CELSR1: variants seen among roughly 807,000 people sequenced by gnomAD.
CELSR1 encodes the protein cadherin EGF LAG seven-pass G-type receptor 1.
In CELSR1, 110 loss-of-function variants were observed where a neutral mutation model predicts 249.1. That is an observed-to-expected ratio of 0.44 (90% CI 0.38 to 0.52). CELSR1 has a LOEUF of 0.52. Among genes scored for constraint, CELSR1 ranks in the 20% least tolerant of loss-of-function variants. The pLI is 0.00. For synonymous variants in CELSR1, 2,113 were observed against 1,900.0 expected (o/e 1.11, Z -2.92); for missense variants, 4,109 against 4,296.4 (o/e 0.96, Z 1.22).
chr22:46,364,337 G>A (rs2078742203), intron 33 of CELSR1, 86 bp from the exon 34 acceptor site: 1 of 1,553,004 alleles, frequency 6.4e-7, no homozygotes, highest in Non-Finnish European at 8.7e-7. Flanking sequence ...GCCAGCCTCA[G>A]CCCCTGTCCT....
chr22:46,384,524 G>A lies in CELSR1; in HGVS notation c.6883+19C>T. The A allele has an allele frequency of 6.3e-7, 1 of 1,579,264 alleles. No homozygotes were observed. Among genetic ancestry groups the A allele is most frequent in the Non-Finnish European group, 8.6e-7 (1 of 1,162,100 alleles). Reference sequence around the variant, plus strand: ...GCTGGGGACTCCGAGGGCAGCAGCAGGTTTCTAAGCGGTTTTACCTTTTTC... The same window carrying A: ...GCTGGGGACTCCGAGGGCAGCAGCAAGTTTCTAAGCGGTTTTACCTTTTTC... On this transcript the variant is annotated intron_variant, in intron 20 of 34. Coordinates refer to ENST00000674500, the MANE Select transcript of CELSR1 (RefSeq NM_001378328.1).
chr22:46,398,413 T>C lies in CELSR1; in HGVS notation c.5526+111A>G. On this transcript the variant is annotated intron_variant, in intron 11 of 34. Transcript: ENST00000674500. This position sits in a 1 kb window ranked among gnomAD's most constrained non-coding sequence, Gnocchi z 7.2. The stretch of plus-strand genomic sequence containing the variant: ...TGGGGATGCCTGTCAGACAAATTCT[T>C]CACTCGTTGAAAGCTAACAGGTTGA... 1.5e-6 allele frequency: 1 copy of C among 682,314 alleles called. No homozygotes were observed. The highest frequency in any genetic ancestry group is 2.5e-6 in the Non-Finnish European group (1 of 407,366). The allele number at this position is 682,314 out of a possible 1,614,324, so 42.3% of individuals were successfully genotyped here.
chr22:46,473,808 C>T lies in CELSR1; in HGVS notation c.3545-9463G>A, dbSNP rs1275861264. Among the ~76,000 whole-genome samples the T allele has an allele frequency of 1.3e-5, 2 of 152,160 alleles. No homozygotes were observed. The highest frequency in any genetic ancestry group is 2.9e-5 in the Non-Finnish European group (2 of 68,026). ...GAAGTGGCTGTGTGCGTCTCTCTCTCTTCTGGGTTTGTTTTGTTTTGTTTT... is the reference window on the plus strand; with the variant it reads ...GAAGTGGCTGTGTGCGTCTCTCTCTTTTCTGGGTTTGTTTTGTTTTGTTTT... On this transcript the variant is annotated intron_variant, in intron 1 of 34. Transcript: ENST00000674500. The surrounding 1 kb of genome is among the most constrained non-coding windows in gnomAD (Gnocchi z 6.6).
chr22:46,451,245 G>A (rs1326646009), intron 2 of CELSR1, among the ~76,000 whole-genome samples: 1 of 152,206 alleles, frequency 6.6e-6, no homozygotes, highest in Non-Finnish European at 1.5e-5. Context: ...CTCAGCAGGA[G>A]GCCCAGACCC....
At chr22:46,370,593 A>C (rs2078841320) in intron 25 of CELSR1, among the ~76,000 whole-genome samples, 1 of 152,236 alleles carries the variant, frequency 6.6e-6, no homozygotes, top group Admixed American at 6.5e-5. Flanking sequence ...AGGAGCAACC[A>C]GCAGGTGAGA....
Position 46,364,657 on chromosome 22 carries a change from G to A in CELSR1, c.8634C>T (p.Gly2878=). 6.2e-7 allele frequency: 1 copy of A among 1,612,696 alleles called. No homozygotes were observed. Among genetic ancestry groups the A allele is most frequent in the Non-Finnish European group, 8.5e-7 (1 of 1,179,920 alleles). Residue 2878 remains glycine (G), a synonymous_variant, in exon 33 of 35, where the codon GGC becomes GGT. Coordinates refer to ENST00000674500, the MANE Select transcript of CELSR1 (RefSeq NM_001378328.1). ...LAESDSEDPS[G]KPRLKVETKV... ...TGGTCTCCACCTTCAGGCGGGGCTT[G>A]CCGCTGGGGTCCTCACTGTCACTCT... is the stretch of plus-strand genomic sequence containing the variant.
At chr22:46,372,350 C>T (rs1002667613) in intron 25 of CELSR1, among the ~76,000 whole-genome samples, 16 of 144,832 alleles carry the variant, frequency 1.1e-4, no homozygotes, top group East Asian at 2.1e-4. Context: ...TCCATCCACT[C>T]GCTCCCCACC....
In CELSR1 at chr22:46,535,594, T is replaced by C; in HGVS notation, c.1577A>G (p.Asp526Gly). The C allele has an allele frequency of 6.2e-7, 1 of 1,613,424 alleles. No homozygotes were observed. The highest frequency in any genetic ancestry group is 8.5e-7 in the Non-Finnish European group (1 of 1,180,034). Residue 526 changes from aspartate to glycine, a missense_variant, in exon 1 of 35, where the codon GAT becomes GGT. By Grantham distance (94) the Asp-to-Gly change is moderately conservative (BLOSUM62 -1). Coordinates refer to ENST00000674500, the MANE Select transcript of CELSR1 (RefSeq NM_001378328.1). ...LDVINPLDFE[D>G]VQKYSLSIKA... is the part of the protein sequence containing the mutation. ...AATGCTCAGCGAGTATTTCTGGACA[T>C]CCTCGAAATCCAAGGGGTTGATCAC...
At chr22:46,431,612 A>G (rs1437456218) in intron 5 of CELSR1, among the ~76,000 whole-genome samples, 1 of 152,206 alleles carries the variant, frequency 6.6e-6, no homozygotes, top group East Asian at 1.9e-4. Flanking sequence ...GTCCAGCCCC[A>G]GCTGGCTGGA....
chr22:46,510,217 AT>A (rs143791075), intron 1 of CELSR1, among the ~76,000 whole-genome samples: 1 of 152,066 alleles, frequency 6.6e-6, no homozygotes, highest in Non-Finnish European at 1.5e-5. Context: ...TAAAAAAATG[AT>A]TTTTTTAAAA....
rs2080163948 is a variant in CELSR1, at chr22:46,472,301, G to C, written c.3545-7956C>G. On this transcript the variant is annotated intron_variant, in intron 1 of 34. Coordinates refer to ENST00000674500, the MANE Select transcript of CELSR1 (RefSeq NM_001378328.1). The surrounding 1 kb of genome is among the most constrained non-coding windows in gnomAD (Gnocchi z 7.0). ...CCCGACTTTCGTGAAAGACTCTGCA[G>C]TAAGATAAAGGTTATCTGCAATTGT... Among the ~76,000 whole-genome samples the C allele has an allele frequency of 6.6e-6, 1 of 152,234 alleles. No individual in the cohort carries two copies. Among genetic ancestry groups the C allele is most frequent in the Non-Finnish European group, 1.5e-5 (1 of 68,050 alleles).
rs959125829 is a variant in CELSR1, at chr22:46,407,539, G to A, written c.5226+1457C>T. 1.3e-5 allele frequency among the ~76,000 whole-genome samples: 2 copies of A among 152,156 alleles called. No homozygotes were observed. Among genetic ancestry groups the A allele is most frequent in the Admixed American group, 6.5e-5 (1 of 15,268 alleles). ...CCCAACTACAATGGAGGCTGAGGCA[G>A]GAGAATCGCTTGAACCTGGGGGGCA... On this transcript the variant is annotated intron_variant, in intron 9 of 34. Transcript: ENST00000674500. The surrounding 1 kb of genome is among the most constrained non-coding windows in gnomAD (Gnocchi z 4.8).
rs1396751074 is a variant in CELSR1, at chr22:46,434,189, T to C, written c.4523-708A>G. 6.6e-6 allele frequency among the ~76,000 whole-genome samples: 1 copy of C among 152,254 alleles called. No homozygotes were observed. Among genetic ancestry groups the C allele is most frequent in the East Asian group, 1.9e-4 (1 of 5,204 alleles). On this transcript the variant is annotated intron_variant, in intron 4 of 34. Transcript: ENST00000674500. This position sits in a 1 kb window ranked among gnomAD's most constrained non-coding sequence, Gnocchi z 4.9. Reference sequence around the variant, plus strand: ...GGCTTTTAACAACTCTTAAACCACGTAACACGTCCCATCGTGAGGTCGCGG... The same window carrying C: ...GGCTTTTAACAACTCTTAAACCACGCAACACGTCCCATCGTGAGGTCGCGG...
chr22:46,481,623 A>C, intron 1 of CELSR1: 1 of 694,900 alleles, frequency 1.4e-6, no homozygotes, highest in East Asian at 2.5e-5. Flanking sequence ...GACTGTCCTC[A>C]CAACAGCTGG....
rs560242007 is a variant in CELSR1, at chr22:46,510,425, A to G, written c.3544+23202T>C. Among the ~76,000 whole-genome samples the G allele has an allele frequency of 4.0e-3, 616 of 152,168 alleles. 7 individuals are homozygous for G. Among genetic ancestry groups the G allele is most frequent in the African/African-American group, 0.014 (593 of 41,512 alleles). On this transcript the variant is annotated intron_variant, in intron 1 of 34. Coordinates refer to ENST00000674500, the MANE Select transcript of CELSR1 (RefSeq NM_001378328.1). Reference sequence around the variant, plus strand: ...ATTAAAGTGAGCCAGACACACAAACAGTCCTTCAGGGCCCCATTGTCCCTG... The same window carrying G: ...ATTAAAGTGAGCCAGACACACAAACGGTCCTTCAGGGCCCCATTGTCCCTG...
At chr22:46,389,268 AG>A in intron 18 of CELSR1, 21 bp downstream of exon 18, 3 of 1,600,404 alleles carry the variant, frequency 1.9e-6, no homozygotes, top group Non-Finnish European at 2.5e-6. Context: ...TCCCCGAGCC[AG>A]GGTGGCGGCC....
In CELSR1 at chr22:46,534,715, C is replaced by T. The variant is rs1267599224; in HGVS notation, c.2456G>A (p.Gly819Glu). The T allele has an allele frequency of 1.9e-6, 3 of 1,613,316 alleles. No individual in the cohort carries two copies. The Admixed American group carries it at 5.0e-5, about 27-fold the overall frequency. Residue 819 changes from glycine (G) to glutamate (E), a missense_variant, in exon 1 of 35, where the codon GGA becomes GAA. Gly to Glu is a moderately conservative substitution (Grantham distance 98). This residue lies in a region of CELSR1 where 886 missense variants were observed against 896.5 expected (regional missense o/e 0.99). Transcript: ENST00000674500. The surrounding 1 kb of genome is among the most constrained non-coding windows in gnomAD (Gnocchi z 9.7). ...CACGTAGGTGATGCGGGCATTCTCT[C>T]CTGTGTCCTCATCGTTGGCACTGAG... ...ATLSANDEDT[G>E]ENARITYVIQ...
Position 46,448,433 on chromosome 22 carries a change from C to CAGAGAACCTCAGGA in CELSR1, c.4184-9036_4184-9023dup, listed in dbSNP as rs1425931327. 1 of 310,630 alleles carries CAGAGAACCTCAGGA rather than the reference C, an allele frequency of 3.2e-6. No homozygotes were observed. Among genetic ancestry groups the CAGAGAACCTCAGGA allele is most frequent in the Non-Finnish European group, 6.3e-6 (1 of 159,206 alleles). The allele number at this position is 310,630 out of a possible 1,614,324, so 19.2% of individuals were successfully genotyped here. On this transcript the variant is annotated intron_variant, in intron 2 of 34. Transcript: ENST00000674500. This position sits in a 1 kb window ranked among gnomAD's most constrained non-coding sequence, Gnocchi z 5.7. ...TCACCTAGAGAGGGGGCACAGCAGG[C>CAGAGAACCTCAGGA]AGAGAACCTCAGGACCTGGGGGAGG...
At chr22:46,511,421 T>C (rs1350819131) in intron 1 of CELSR1, among the ~76,000 whole-genome samples, 3 of 152,156 alleles carry the variant, frequency 2.0e-5, no homozygotes, top group African/African-American at 7.2e-5. Flanking sequence ...CCAACACGTG[T>C]GTCAAAGCAT....
Sources: allele counts gnomAD v4.1 joint callset (sites outside exome capture counted in the v4.1 genomes callset), GRCh38; gene constraint gnomAD v4.1.1; regional missense constraint gnomAD v4.1.1; non-coding constraint Gnocchi (gnomAD v3.1); transcripts MANE v1.5; gene names NCBI Gene and HGNC (gene_info 2026-07-23, HGNC 2026-07-21).